ZMAT4: variants seen among roughly 807,000 people sequenced by gnomAD.
The protein encoded by ZMAT4 is zinc finger matrin-type protein 4.
ZMAT4 carries 17 observed loss-of-function variants against 28.7 expected under a neutral mutation model. The ratio of observed to expected loss-of-function variants is 0.59; its 90% CI spans 0.41 to 0.89. The LOEUF (loss-of-function observed/expected upper bound fraction) is 0.89. ZMAT4 is among the 40% of genes least tolerant of loss of function. ZMAT4 has a pLI of 0.00. For missense variants in ZMAT4, 240 were observed against 283.8 expected (o/e 0.85, Z 1.11); for synonymous variants, 117 against 109.2 (o/e 1.07, Z -0.44).
At chr8:40,596,952 T>C (rs959714825) in intron 5 of ZMAT4, among the ~76,000 whole-genome samples, 9 of 152,314 alleles carry the variant, frequency 5.9e-5, no homozygotes, top group Admixed American at 4.6e-4. Flanking sequence ...CGGCTCCTGC[T>C]AATAAGGTGG....
intron 3 of ZMAT4, among the ~76,000 whole-genome samples, chr8:40,706,142 T>C (rs946213155): frequency 1.3e-5 from 2 of 152,162 alleles, no homozygotes; most frequent in Non-Finnish European, 2.9e-5. Flanking sequence ...GAACTCAGCC[T>C]CCCAGATTCA....
intron 6 of ZMAT4, among the ~76,000 whole-genome samples, chr8:40,562,931 CAT>C (rs112189315): frequency 3.9e-5 from 6 of 152,316 alleles, no homozygotes; most frequent in South Asian, 2.1e-4. Context: ...TGTGTGCACA[CAT>C]GTGTGCAGTG....
At chr8:40,808,001 A>G in intron 2 of ZMAT4, among the ~76,000 whole-genome samples, 1 of 152,222 alleles carries the variant, frequency 6.6e-6, no homozygotes, top group Non-Finnish European at 1.5e-5. Flanking sequence ...AAGAAAACTG[A>G]CTTGATTAAT....
chr8:40,601,175 T>G (rs1805289237), intron 5 of ZMAT4, among the ~76,000 whole-genome samples: 1 of 152,140 alleles, frequency 6.6e-6, no homozygotes, highest in South Asian at 2.1e-4. Flanking sequence ...CTCCTGGTAG[T>G]GGAAACAGGG....
intron 3 of ZMAT4, among the ~76,000 whole-genome samples, chr8:40,747,407 C>T (rs910207019): frequency 6.6e-6 from 1 of 152,126 alleles, no homozygotes; most frequent in African/African-American, 2.4e-5. Context: ...GGTGGCAAGA[C>T]TCCATTGAAA....
intron 6 of ZMAT4, among the ~76,000 whole-genome samples, chr8:40,580,794 C>T (rs1042838502): frequency 2.0e-5 from 3 of 151,950 alleles, no homozygotes; most frequent in African/African-American, 7.3e-5. Context: ...TAATAATCAA[C>T]AATATTCATC....
intron 5 of ZMAT4, among the ~76,000 whole-genome samples, chr8:40,613,928 G>A (rs945217932): frequency 1.3e-5 from 2 of 152,178 alleles, no homozygotes; most frequent in Admixed American, 6.5e-5. Context: ...GCTGAGATAA[G>A]CCTGAACAAA....
rs1267278857 is a variant in ZMAT4 at position 40,530,752 on chromosome 8, C to T, written c.*1471G>A. On this transcript the variant is annotated 3_prime_UTR_variant, in exon 7 of 7. Transcript: ENST00000297737. ...AAATAGATTCTTCCCATCCAACCCC[C>T]TTTCCTCTTGTAGAGTAGGGTGTGG... 1 of 152,646 alleles carries T rather than the reference C, an allele frequency of 6.6e-6. No individual in the cohort carries two copies. The highest frequency in any genetic ancestry group is 1.5e-5 in the Non-Finnish European group (1 of 68,060). 9.5% of individuals were successfully genotyped at this position (152,646 alleles called of 1,614,324 possible). A position where few individuals can be genotyped will look rare whatever the true frequency, so the allele number is the denominator to read the frequency against.
At chr8:40,716,484 G>C (rs573844486) in intron 3 of ZMAT4, among the ~76,000 whole-genome samples, 1 of 152,290 alleles carries the variant, frequency 6.6e-6, no homozygotes, top group East Asian at 1.9e-4. Flanking sequence ...CTGAGGTCAG[G>C]AGTATGAGAT....
intron 2 of ZMAT4, among the ~76,000 whole-genome samples, chr8:40,780,036 CTTTTT>C (rs1022806451): frequency 6.6e-6 from 1 of 152,020 alleles, no homozygotes; most frequent in Non-Finnish European, 1.5e-5. Flanking sequence ...CCCCTCCCAA[CTTTTT>C]TTTCTCCTCT....
At chr8:40,808,259 A>AT (rs200868751) in intron 2 of ZMAT4, among the ~76,000 whole-genome samples, 1,829 of 122,182 alleles carry the variant, frequency 0.015, 19 homozygotes, top group Non-Finnish European at 0.027. Flanking sequence ...TTAAGAAAAT[A>AT]ATTTTTTTTC....
intron 1 of ZMAT4, among the ~76,000 whole-genome samples, chr8:40,857,174 A>G (rs778339649): frequency 6.6e-6 from 1 of 152,132 alleles, no homozygotes; most frequent in Non-Finnish European, 1.5e-5. Context: ...GTTACAAAAA[A>G]GTATATAAGA....
At chr8:40,612,744 G>A (rs1450244713) in intron 5 of ZMAT4, among the ~76,000 whole-genome samples, 1 of 130,636 alleles carries the variant, frequency 7.7e-6, no homozygotes, top group African/African-American at 2.6e-5. Context: ...CTAAAAACAT[G>A]TTCCTTATAT....
chr8:40,825,949 C>G (rs777160439), intron 1 of ZMAT4, among the ~76,000 whole-genome samples: 8 of 152,192 alleles, frequency 5.3e-5, no homozygotes, highest in Non-Finnish European at 1.0e-4. Context: ...AGACTTATAT[C>G]TAATGCCTTG....
intron 3 of ZMAT4, among the ~76,000 whole-genome samples, chr8:40,714,461 TA>T (rs1810758964): frequency 1.3e-5 from 2 of 152,198 alleles, no homozygotes; most frequent in African/African-American, 4.8e-5. Flanking sequence ...AAACAGCTAT[TA>T]AAAATCATGA....
At chr8:40,694,780 G>T (rs1031021749) in intron 4 of ZMAT4, among the ~76,000 whole-genome samples, 2 of 152,192 alleles carry the variant, frequency 1.3e-5, no homozygotes, top group African/African-American at 4.8e-5. Flanking sequence ...CTCCAAGGCA[G>T]ATCTTAGAAA....
intron 1 of ZMAT4, among the ~76,000 whole-genome samples, chr8:40,880,138 C>G (rs1318612082): frequency 2.0e-5 from 3 of 152,270 alleles, no homozygotes; most frequent in South Asian, 2.1e-4. Flanking sequence ...AAGGCCAAGA[C>G]GGGTGGATTA....
At chr8:40,683,938 G>A (rs909447398) in intron 4 of ZMAT4, among the ~76,000 whole-genome samples, 3 of 151,886 alleles carry the variant, frequency 2.0e-5, no homozygotes, top group East Asian at 3.9e-4. Flanking sequence ...GGTGGCACGC[G>A]CCTGTAGTCC....
intron 5 of ZMAT4, among the ~76,000 whole-genome samples, chr8:40,595,957 G>A (rs62505447): frequency 1.9e-4 from 29 of 152,078 alleles, no homozygotes; most frequent in East Asian, 3.9e-4. Flanking sequence ...GGTGGTGGGC[G>A]CCTGTAATCC....
Sources: gnomAD v4.1 joint callset for allele counts (sites outside exome capture counted in the v4.1 genomes callset) on GRCh38, gnomAD v4.1.1 for gene constraint, MANE v1.5 for transcripts, NCBI Gene and HGNC (gene_info 2026-07-23, HGNC 2026-07-21) for gene names.